The following FUT8 variants were observed in gnomAD, a reference collection of about 807,000 sequenced individuals.
FUT8 encodes the protein fucosyltransferase 8, also known as alpha-(1,6)-fucosyltransferase.
In FUT8, 29 loss-of-function variants were observed where a neutral mutation model predicts 71.3. The observed-to-expected ratio is 0.41, with a 90% confidence interval of 0.30 to 0.55. FUT8 has a LOEUF of 0.55. FUT8 is among the 20% of genes least tolerant of loss of function. The pLI is 0.34. For synonymous variants in FUT8, 254 were observed against 239.3 expected, an observed-to-expected ratio of 1.06 and a Z score of -0.57; for missense variants, 544 against 702.1, an observed-to-expected ratio of 0.77 and a Z score of 2.55.
chr14:65,476,637 A>ATTTTTTTTTTTTTTTT (rs200882761), intron 2 of FUT8, among the ~76,000 whole-genome samples: 1 of 125,082 alleles, frequency 8.0e-6, no homozygotes. Flanking sequence ...AAAGAAGTAG[A>ATTTTTTTTTTTTTTTT]TTTTTTTTTT....
chr14:65,691,249 T>C (rs571860436), intron 7 of FUT8, among the ~76,000 whole-genome samples: 1 of 151,310 alleles, frequency 6.6e-6, no homozygotes, highest in Non-Finnish European at 1.5e-5. Flanking sequence ...TTTTGTCTTA[T>C]TCCATTGACT....
At chr14:65,676,955 G>A (rs1015453635) in intron 7 of FUT8, among the ~76,000 whole-genome samples, 4 of 152,044 alleles carry the variant, frequency 2.6e-5, no homozygotes, top group Non-Finnish European at 5.9e-5. Flanking sequence ...CCTTCCCCAG[G>A]ATTATATAAA....
chr14:65,415,719 A>T (rs935918823), intron 1 of FUT8, among the ~76,000 whole-genome samples: 2 of 151,786 alleles, frequency 1.3e-5, no homozygotes, highest in South Asian at 2.1e-4. Flanking sequence ...TAATTCCAAT[A>T]AAAAAATGGA....
At chr14:65,358,190 G>C in the FUT8 span, among the ~76,000 whole-genome samples, 1 of 152,142 alleles carries the variant, frequency 6.6e-6, no homozygotes, top group African/African-American at 2.4e-5. Flanking sequence ...AGAAGATTTT[G>C]AGTATTATTA....
At chr14:65,555,302 A>AT (rs1885530185) in intron 2 of FUT8, among the ~76,000 whole-genome samples, 1 of 151,888 alleles carries the variant, frequency 6.6e-6, no homozygotes, top group Non-Finnish European at 1.5e-5. Context: ...TCTCTGTGGT[A>AT]TTTTTATTGT....
At chr14:65,582,566 G>A (rs112654678) in intron 3 of FUT8, among the ~76,000 whole-genome samples, 13 of 152,228 alleles carry the variant, frequency 8.5e-5, no homozygotes, top group African/African-American at 2.9e-4. Context: ...ACCTAAGCGT[G>A]TCTTCTTCTG....
upstream of FUT8, chr14:65,412,549 C>T (rs2065147980): frequency 2.8e-6 from 1 of 352,812 alleles, no homozygotes; most frequent in Admixed American, 3.8e-5. Context: ...GGAACTGTGC[C>T]GTCCCGCTGT....
chr14:65,650,289 ACT>A (rs1891313089), intron 6 of FUT8, among the ~76,000 whole-genome samples: 2 of 103,544 alleles, frequency 1.9e-5, no homozygotes, highest in Non-Finnish European at 3.6e-5. Flanking sequence ...ACAGAGTGAG[ACT>A]CTGTCTCAAA....
chr14:65,598,436 T>C (rs1013010620), intron 3 of FUT8, among the ~76,000 whole-genome samples: 3 of 152,156 alleles, frequency 2.0e-5, no homozygotes, highest in African/African-American at 7.2e-5. Context: ...TTGGCCAGGC[T>C]GGTCTCGAAC....
At chr14:65,375,944 A>G in the FUT8 span, among the ~76,000 whole-genome samples, 3 of 151,854 alleles carry the variant, frequency 2.0e-5, no homozygotes, top group East Asian at 5.8e-4. Context: ...CACAAAAACT[A>G]ACTGGGCATG....
At position 65,531,332 on chromosome 14, in the gene FUT8, A is replaced by G. The variant is rs1883941992; in HGVS notation, c.-227-30005A>G. On this transcript the variant is annotated intron_variant, in intron 2 of 10. Transcript: ENST00000673929. ...TCCTGTACTAGGTGTGAAGTGTACC[A>G]TATCTGATTATTATATGTCTATGCT... Among the ~76,000 whole-genome samples, 4 of 152,070 alleles carry G rather than the reference A, an allele frequency of 2.6e-5. No homozygotes were observed. The South Asian group carries it at 6.2e-4, about 24-fold the overall frequency.
intron 6 of FUT8, among the ~76,000 whole-genome samples, chr14:65,633,617 C>G (rs1355189894): frequency 2.0e-5 from 3 of 151,196 alleles, no homozygotes; most frequent in Admixed American, 6.6e-5. Flanking sequence ...ATGTGGGGAG[C>G]GCCTCTGCCC....
intron 1 of FUT8, among the ~76,000 whole-genome samples, chr14:65,431,459 G>A (rs1025923834): frequency 9.9e-5 from 15 of 151,844 alleles, no homozygotes; most frequent in South Asian, 2.1e-4. Context: ...ACAGGCATGC[G>A]TCACCATACC....
At chr14:65,369,648 A>T in the FUT8 span, among the ~76,000 whole-genome samples, 1,460 of 152,308 alleles carry the variant, frequency 9.6e-3, 25 homozygotes, top group African/African-American at 0.034. The surrounding 1 kb of genome is among the most constrained non-coding windows in gnomAD (Gnocchi z 4.6). Flanking sequence ...AATGCATTAC[A>T]TGCTAAGACT....
At chr14:65,445,825 C>T (rs2065731324) in intron 1 of FUT8, among the ~76,000 whole-genome samples, 1 of 152,200 alleles carries the variant, frequency 6.6e-6, no homozygotes, top group Admixed American at 6.5e-5. Context: ...AACAGAGTCT[C>T]ACTATGTTGC....
At chr14:65,402,196 ATTTT>A in the FUT8 span, among the ~76,000 whole-genome samples, 2 of 75,836 alleles carry the variant, frequency 2.6e-5, no homozygotes, top group Non-Finnish European at 2.5e-5. Flanking sequence ...ATGGAGTGTG[ATTTT>A]TTTTTTTTTT....
chr14:65,718,936 A>C (rs1263156537), intron 7 of FUT8, among the ~76,000 whole-genome samples: 1 of 152,078 alleles, frequency 6.6e-6, no homozygotes, highest in African/African-American at 2.4e-5. Flanking sequence ...AATGCCTTGA[A>C]TGGTAGTCTT....
chr14:65,670,482 G>A lies in FUT8; in HGVS notation c.835+1002G>A, dbSNP rs149657431. Among the ~76,000 whole-genome samples the A allele has an allele frequency of 7.5e-4, 114 of 152,164 alleles. 2 individuals are homozygous for A. The East Asian group carries it at 0.018, about 24-fold the overall frequency. On this transcript the variant is annotated intron_variant, in intron 7 of 10. Transcript: ENST00000673929. ...TTCATTAAACAAATGTATAATGAGTGCCTACAGTGTGACAGATACTGAATT... is the reference window on the plus strand; with the variant it reads ...TTCATTAAACAAATGTATAATGAGTACCTACAGTGTGACAGATACTGAATT...
At chr14:65,733,156 T>G (rs1165852131) in intron 9 of FUT8, 75 bp from the exon 10 acceptor site, 11 of 869,082 alleles carry the variant, frequency 1.3e-5, no homozygotes, top group Non-Finnish European at 1.9e-5. Context: ...AAGCTCTTAG[T>G]CAAAGGAGAA....
Sources: gnomAD v4.1 joint callset for allele counts (sites outside exome capture counted in the v4.1 genomes callset) on GRCh38, gnomAD v4.1.1 for gene constraint, Gnocchi (gnomAD v3.1) non-coding constraint, MANE v1.5 for transcripts, NCBI Gene and HGNC (gene_info 2026-07-23, HGNC 2026-07-21) for gene names.